Variants in DGKH observed in about 807,000 individuals in gnomAD.
The protein encoded by DGKH is diacylglycerol kinase eta, also known as DAG kinase eta.
A neutral mutation model predicts 159.3 loss-of-function variants in DGKH; 90 were observed. The observed-to-expected ratio is 0.57, with a 90% CI of 0.48 to 0.67. DGKH has a LOEUF of 0.67. DGKH is among the 30% of genes least tolerant of loss of function. The pLI, the probability that DGKH is intolerant of heterozygous loss-of-function variation, is 0.00. For missense variants in DGKH, 1,181 were observed against 1,506.1 expected (o/e 0.78, Z 3.57); for synonymous variants, 536 against 553.8 (o/e 0.97, Z 0.45).
chr13:42,089,181 C>G (rs145312782), intron 1 of DGKH, among the ~76,000 whole-genome samples: 20 of 152,190 alleles, frequency 1.3e-4, no homozygotes, highest in African/African-American at 4.6e-4. Flanking sequence ...AATTTCAGCA[C>G]CCTTTTTCAA....
intron 1 of DGKH, among the ~76,000 whole-genome samples, chr13:42,040,583 C>T (rs1324831280): frequency 1.3e-5 from 2 of 151,476 alleles, no homozygotes; most frequent in Non-Finnish European, 3.0e-5. Context: ...GATTCTGCGC[C>T]CGTGGGAGGC....
In DGKH at chr13:42,189,267, T is replaced by C. The variant is rs779260257; in HGVS notation, c.1870T>C (p.Leu624=). 6.2e-7 allele frequency: 1 copy of C among 1,614,206 alleles called. No homozygotes were observed. Among genetic ancestry groups the C allele is most frequent in the Non-Finnish European group, 8.5e-7 (1 of 1,180,044 alleles). ...GGAAATCATGTTGCGGGCAAATAGT[T>C]TAAAGAAAGCAGTGAGGCAAGTCAT... ...PREIMLRANS[L]KKAVRQVIEE... Residue 624 remains leucine, a synonymous_variant, in exon 15 of 30, where the codon TTA becomes CTA. Coordinates refer to ENST00000337343, the MANE Select transcript of DGKH (RefSeq NM_178009.5).
intron 1 of DGKH, among the ~76,000 whole-genome samples, chr13:42,126,831 G>A (rs542851592): frequency 2.9e-4 from 44 of 152,282 alleles, no homozygotes; most frequent in Non-Finnish European, 4.1e-4. Flanking sequence ...CCTCTGAGGC[G>A]AGTTGATGCT....
intron 24 of DGKH, among the ~76,000 whole-genome samples, chr13:42,211,317 C>T (rs1411107892): frequency 6.6e-6 from 1 of 152,112 alleles, no homozygotes; most frequent in African/African-American, 2.4e-5. Context: ...AAATGAGACT[C>T]TAGGGATGAG....
Position 42,209,376 on chromosome 13 carries a change from G to A in DGKH, c.2761G>A (p.Val921Met). 6.2e-7 allele frequency: 1 copy of A among 1,613,822 alleles called. No homozygotes were observed. The highest frequency in any genetic ancestry group is 1.1e-5 in the South Asian group (1 of 91,036). The change falls in exon 23 of 30, where the codon GTG (valine) becomes ATG (methionine). Residue 921 changes from valine (V) to methionine (M), a missense_variant. Coordinates refer to ENST00000337343, the MANE Select transcript of DGKH (RefSeq NM_178009.5). The part of the protein sequence containing the change: ...ITIFGDEGVP[V>M]QVDGEAWVQP... ...TATATTTGGTGACGAAGGAGTCCCA[G>A]TGCAAGTGGATGGTGAAGCGTGGGT...
chr13:42,223,035 TTCTC>T (rs1262391870), intron 29 of DGKH, among the ~76,000 whole-genome samples: 3 of 152,214 alleles, frequency 2.0e-5, no homozygotes, highest in Admixed American at 6.5e-5. Context: ...GCAAATTACA[TTCTC>T]TCTCTTAAAA....
At chr13:42,126,953 C>T (rs1015649301) in intron 1 of DGKH, among the ~76,000 whole-genome samples, 6 of 152,176 alleles carry the variant, frequency 3.9e-5, no homozygotes, top group Admixed American at 6.6e-5. Context: ...AGTCCTTTAA[C>T]GTGTTTTTCA....
At chr13:42,183,164 C>G (rs1290094219) in intron 13 of DGKH, among the ~76,000 whole-genome samples, 1 of 152,082 alleles carries the variant, frequency 6.6e-6, no homozygotes. Flanking sequence ...TGGTATGTGC[C>G]TGTAGTCCTA....
At chr13:42,248,655 TTTATA>T (rs1195644647) in intron 29 of DGKH, among the ~76,000 whole-genome samples, 2 of 148,184 alleles carry the variant, frequency 1.3e-5, no homozygotes, top group African/African-American at 2.5e-5. Flanking sequence ...ATGATATATA[TTTATA>T]TTATATTTTA....
In DGKH at chr13:42,190,539, G is replaced by GA. The variant is rs749076864; in HGVS notation, c.2035+20dup. On this transcript the variant is annotated intron_variant, in intron 16 of 29. Coordinates refer to ENST00000337343, the MANE Select transcript of DGKH (RefSeq NM_178009.5). ...AATCAATAACTGGTGAGGAAACTGG[G>GA]AAAAAATTATTTTGGAATTAAATAA... 8 of 1,559,908 alleles carry GA rather than the reference G, an allele frequency of 5.1e-6. No homozygotes were observed. Among genetic ancestry groups the GA allele is most frequent in the Admixed American group, 2.1e-5 (1 of 47,728 alleles).
At chr13:42,076,471 C>T (rs901907666) in intron 1 of DGKH, among the ~76,000 whole-genome samples, 3 of 152,160 alleles carry the variant, frequency 2.0e-5, no homozygotes, top group African/African-American at 7.2e-5. Context: ...CAACCCCCAA[C>T]ATAGAGCTGG....
chr13:42,246,661 C>T (rs186608572), downstream of DGKH, among the ~76,000 whole-genome samples: 2 of 152,094 alleles, frequency 1.3e-5, no homozygotes, highest in East Asian at 3.9e-4. Context: ...ACTGACTTAT[C>T]GAATAAAAGG....
chr13:42,207,158 C>A (rs866806585), intron 21 of DGKH, among the ~76,000 whole-genome samples: 1 of 67,870 alleles, frequency 1.5e-5, no homozygotes, highest in Admixed American at 2.4e-4. Context: ...TCCTTCCTTC[C>A]TTCCTTCCTT....
chr13:42,134,735 G>A (rs928132486), intron 3 of DGKH, among the ~76,000 whole-genome samples: 1 of 152,162 alleles, frequency 6.6e-6, no homozygotes, highest in Non-Finnish European at 1.5e-5. Flanking sequence ...GGGCGTGGTG[G>A]CTCATGCCTG....
Position 42,235,298 on chromosome 13 carries a change from C to A in DGKH, c.*6110C>A, listed in dbSNP as rs1958390647. The A allele has an allele frequency of 6.6e-6, 1 of 151,990 alleles. No individual in the cohort carries two copies. The highest frequency in any genetic ancestry group is 1.5e-5 in the Non-Finnish European group (1 of 67,980). 9.4% of individuals were successfully genotyped at this position (151,990 alleles called of 1,614,324 possible). ...CAAGTTTTAGTTGGAAAAATGAAAA[C>A]CAAGCTACTACTTAAAAGTTATTAA... is the stretch of plus-strand genomic sequence containing the variant. On this transcript the variant is annotated 3_prime_UTR_variant, in exon 30 of 30. Transcript: ENST00000337343.
chr13:42,103,125 T>C (rs1954683668), intron 1 of DGKH, among the ~76,000 whole-genome samples: 1 of 152,178 alleles, frequency 6.6e-6, no homozygotes, highest in South Asian at 2.1e-4. Context: ...GAGATTGTTG[T>C]ATATTTATTT....
chr13:42,204,408 T>C (rs1566188698), intron 20 of DGKH, among the ~76,000 whole-genome samples: 6 of 152,328 alleles, frequency 3.9e-5, no homozygotes, highest in Admixed American at 1.3e-4. Context: ...TGGTTAACAC[T>C]GTGTTTTCAT....
chr13:42,078,658 C>T lies in DGKH; in HGVS notation c.192+29693C>T, dbSNP rs577002346. On this transcript the variant is annotated intron_variant, in intron 1 of 29. Transcript: ENST00000337343. ...GATGCCAGATGCCAACAGATAATAC[C>T]AAACTGAAGCATAAAACTGAAAACT... Among the ~76,000 whole-genome samples, 15 of 152,070 alleles carry T rather than the reference C, an allele frequency of 9.9e-5. No individual in the cohort carries two copies. The South Asian group carries it at 3.1e-3, about 32-fold the overall frequency.
In DGKH at chr13:42,156,529, T is replaced by C. The variant is rs534896971; in HGVS notation, c.622+730T>C. ...GAGGCATGAGCAAATTTGTGAGTTA[T>C]TTTTAATATAAGAGCAGTGACCACC... On this transcript the variant is annotated intron_variant, in intron 5 of 29. Transcript: ENST00000337343. Among the ~76,000 whole-genome samples, 13 of 152,326 alleles carry C rather than the reference T, an allele frequency of 8.5e-5. No individual in the cohort carries two copies. The East Asian group carries it at 2.5e-3, about 29-fold the overall frequency.
Sources: gnomAD v4.1 joint callset for allele counts (sites outside exome capture counted in the v4.1 genomes callset) on GRCh38, gnomAD v4.1.1 for gene constraint, MANE v1.5 for transcripts, NCBI Gene and HGNC (gene_info 2026-07-23, HGNC 2026-07-21) for gene names.